Variants in SLC7A14 observed in about 807,000 individuals in gnomAD.
SLC7A14 encodes the protein solute carrier family 7 member 14.
In SLC7A14, 37 loss-of-function variants were observed where a neutral mutation model predicts 60.2. The ratio of observed to expected loss-of-function variants is 0.61; its 90% CI spans 0.47 to 0.81. SLC7A14 has a LOEUF of 0.81. Among genes scored for constraint, SLC7A14 ranks in the 30% least tolerant of loss-of-function variants. SLC7A14 has a pLI of 0.00. For synonymous variants in SLC7A14, 399 were observed against 395.8 expected (o/e 1.01, Z -0.10); for missense variants, 886 against 982.7 (o/e 0.90, Z 1.32).
chr3:170,566,955 A>G (rs1714807984), intron 1 of SLC7A14, among the ~76,000 whole-genome samples: 1 of 152,144 alleles, frequency 6.6e-6, no homozygotes, highest in South Asian at 2.1e-4. Context: ...GTTACACCTT[A>G]AACATTCATT....
intron 1 of SLC7A14, among the ~76,000 whole-genome samples, chr3:170,567,574 G>A (rs1208459741): frequency 5.3e-5 from 8 of 151,034 alleles, no homozygotes; most frequent in Non-Finnish European, 7.4e-5. Context: ...GATCCCTGAG[G>A]AATCGCCACA....
intron 2 of SLC7A14, among the ~76,000 whole-genome samples, chr3:170,510,396 A>AT (rs1712936204): frequency 7.0e-6 from 1 of 143,356 alleles, no homozygotes; most frequent in African/African-American, 2.7e-5. Flanking sequence ...TCAAAAAAAA[A>AT]AAAATAAATA....
intron 7 of SLC7A14, among the ~76,000 whole-genome samples, chr3:170,468,221 T>A (rs1739777455): frequency 6.6e-6 from 1 of 152,240 alleles, no homozygotes; most frequent in Non-Finnish European, 1.5e-5. Flanking sequence ...ATATGTAGCA[T>A]TCATATATGC....
chr3:170,467,428 C>T (rs1245851842), intron 7 of SLC7A14, 51 bp from the exon 8 acceptor site: 1 of 1,167,464 alleles, frequency 8.6e-7, no homozygotes, highest in Non-Finnish European at 1.1e-6. Flanking sequence ...CTTTGGGATC[C>T]TGGGACTAGC....
intron 5 of SLC7A14, among the ~76,000 whole-genome samples, chr3:170,483,851 T>C (rs6789637): frequency 0.53 from 80,081 of 152,088 alleles, 23,025 homozygotes; most frequent in Middle Eastern, 0.66. Flanking sequence ...CAGATATTTC[T>C]GGAAGGAAGG....
Position 170,481,156 on chromosome 3 carries a change from G to C in SLC7A14, c.1126C>G (p.His376Asp), listed in dbSNP as rs150440242. 240 of 1,612,832 alleles carry C rather than the reference G, an allele frequency of 1.5e-4. No individual in the cohort carries two copies. The highest frequency in any genetic ancestry group is 1.3e-4 in the Non-Finnish European group (155 of 1,179,408). Residue 376 changes from histidine to aspartate, a missense_variant, in exon 7 of 8, where the codon CAC (histidine) becomes GAC (aspartate). His to Asp is a moderately conservative substitution (Grantham distance 81). Transcript: ENST00000231706. ...GDGLLFRFLAHVSSYTETPVV... is the reference protein window; with the variant it reads ...GDGLLFRFLADVSSYTETPVV... ...GGTGTCTCTGTGTAGGAGCTGACGT[G>C]AGCCAGGAACCTGGAGGGGCCGGGC...
chr3:170,513,080 G>A (rs1169087894), intron 2 of SLC7A14, among the ~76,000 whole-genome samples: 1 of 152,052 alleles, frequency 6.6e-6, no homozygotes, highest in Non-Finnish European at 1.5e-5. Context: ...TAGCTAAGTA[G>A]CTCCTACTGA....
intron 7 of SLC7A14, among the ~76,000 whole-genome samples, chr3:170,470,227 T>C (rs57670513): frequency 0.011 from 1,708 of 151,934 alleles, 34 homozygotes; most frequent in African/African-American, 0.039. Flanking sequence ...CCAGGCTGGT[T>C]TACAGACTAT....
Position 170,526,897 on chromosome 3 carries a change from G to T in SLC7A14, c.40C>A (p.Gln14Lys). 1 of 1,613,608 alleles carries T rather than the reference G, an allele frequency of 6.2e-7. No individual in the cohort carries two copies. The change falls in exon 2 of 8, where the codon CAG (glutamine) becomes AAG (lysine). Residue 14 changes from glutamine to lysine, a missense_variant. Gln to Lys is a moderately conservative substitution (Grantham distance 53). Transcript: ENST00000231706. Reference sequence around the variant, plus strand: ...ATTGCATACCAGGCAGCTCCCCACTGCACCCGCCGGGGGTCCAGCGAGGTG... The same window carrying T: ...ATTGCATACCAGGCAGCTCCCCACTTCACCCGCCGGGGGTCCAGCGAGGTG... ...FFTSLDPRRVQWGAAWYAMHS... is the reference protein window; with the variant it reads ...FFTSLDPRRVKWGAAWYAMHS...
chr3:170,508,864 A>G (rs1460927026), intron 2 of SLC7A14, among the ~76,000 whole-genome samples: 1 of 152,218 alleles, frequency 6.6e-6, no homozygotes, highest in Non-Finnish European at 1.5e-5. Context: ...GAATTCTCTC[A>G]GAAACATTTG....
rs763223043 is a variant in SLC7A14 at position 170,467,359 on chromosome 3, C to T, written c.2012G>A (p.Gly671Glu). The change falls in exon 8 of 8, where the codon GGA (glycine) becomes GAA (glutamate). Residue 671 changes from glycine (G) to glutamate (E), a missense_variant. Physicochemically the swap from Gly to Glu is moderately conservative, Grantham distance 98. Coordinates refer to ENST00000231706, the MANE Select transcript of SLC7A14 (RefSeq NM_020949.3). ...CAGGGTGCTGTTCCAGATGCCATAT[C>T]CAAAATAAATGAGCAGACCTGTGGG... ...WCFVGLLIYF[G>E]YGIWNSTLEI... The T allele has an allele frequency of 6.2e-7, 1 of 1,601,756 alleles. No homozygotes were observed. Among genetic ancestry groups the T allele is most frequent in the Non-Finnish European group, 8.5e-7 (1 of 1,173,154 alleles).
intron 7 of SLC7A14, among the ~76,000 whole-genome samples, chr3:170,471,236 G>A (rs546158843): frequency 2.4e-4 from 37 of 152,212 alleles, no homozygotes; most frequent in African/African-American, 7.2e-4. Flanking sequence ...ATCCTTCCAG[G>A]TCTCCCCATG....
At chr3:170,570,677 G>A (rs1174958009) in intron 1 of SLC7A14, among the ~76,000 whole-genome samples, 2 of 152,058 alleles carry the variant, frequency 1.3e-5, no homozygotes, top group East Asian at 1.9e-4. Flanking sequence ...TCCGAAGCCC[G>A]GACACTGGTA....
In SLC7A14 at chr3:170,534,052, G is replaced by GT. The variant is rs199761687; in HGVS notation, c.-152-6965dup. Among the ~76,000 whole-genome samples the GT allele has an allele frequency of 2.5e-3, 374 of 152,014 alleles. 2 individuals carry two copies. Among genetic ancestry groups the GT allele is most frequent in the Middle Eastern group, 0.01 (3 of 294 alleles). On this transcript the variant is annotated intron_variant, in intron 1 of 7. Transcript: ENST00000231706. ...TAAGCTTCCTTTTCAAAGCTTGTTGGTTTTTTTTGTTTGTTTGTTTCTAAA... is the reference window on the plus strand; with the variant it reads ...TAAGCTTCCTTTTCAAAGCTTGTTGGTTTTTTTTTGTTTGTTTGTTTCTAAA...
intron 1 of SLC7A14, among the ~76,000 whole-genome samples, chr3:170,542,071 T>C (rs982520574): frequency 2.6e-5 from 4 of 152,214 alleles, no homozygotes; most frequent in Non-Finnish European, 5.9e-5. Context: ...TCTTTCCACT[T>C]TGGAGATACA....
intron 1 of SLC7A14, among the ~76,000 whole-genome samples, chr3:170,562,522 C>T (rs1306541209): frequency 6.6e-6 from 1 of 152,018 alleles, no homozygotes; most frequent in African/African-American, 2.4e-5. Context: ...GGATAAAAGA[C>T]TACAAATTGG....
intron 1 of SLC7A14, among the ~76,000 whole-genome samples, chr3:170,559,887 G>A (rs1218566703): frequency 1.3e-5 from 2 of 152,352 alleles, no homozygotes; most frequent in East Asian, 3.9e-4. Context: ...AGGTGAGGAG[G>A]ACTGGCTAGG....
At chr3:170,555,598 C>T (rs377565683) in intron 1 of SLC7A14, among the ~76,000 whole-genome samples, 9 of 152,272 alleles carry the variant, frequency 5.9e-5, no homozygotes, top group African/African-American at 2.2e-4. Flanking sequence ...CAGCCTACTA[C>T]ACACCTAGGC....
chr3:170,471,780 A>G (rs1739917855), intron 7 of SLC7A14, among the ~76,000 whole-genome samples: 1 of 152,248 alleles, frequency 6.6e-6, no homozygotes, highest in Non-Finnish European at 1.5e-5. Flanking sequence ...CCAAGCCTCA[A>G]GAATAAGATG....
Sources: gnomAD v4.1 joint callset for allele counts (sites outside exome capture counted in the v4.1 genomes callset) on GRCh38, gnomAD v4.1.1 for gene constraint, MANE v1.5 for transcripts, NCBI Gene and HGNC (gene_info 2026-07-23, HGNC 2026-07-21) for gene names.